Variants in HERC4 observed in about 807,000 individuals in gnomAD.
The protein encoded by HERC4 is probable E3 ubiquitin-protein ligase HERC4.
Under a neutral mutation model 124.3 loss-of-function variants are expected in HERC4, and 28 were observed. The observed-to-expected ratio is 0.23, with a 90% confidence interval of 0.17 to 0.31. The LOEUF (loss-of-function observed/expected upper bound fraction) is 0.31. Ranked by LOEUF, HERC4 falls within the 10% of genes least tolerant of loss-of-function variation. The pLI is 1.00. For synonymous variants in HERC4, 407 were observed against 421.5 expected, an observed-to-expected ratio of 0.97 and a Z score of 0.42; for missense variants, 713 against 1,229.3, an observed-to-expected ratio of 0.58 and a Z score of 6.28.
At chr10:67,981,848 T>C (rs2035949326) in intron 15 of HERC4, among the ~76,000 whole-genome samples, 1 of 151,854 alleles carries the variant, frequency 6.6e-6, no homozygotes, top group Non-Finnish European at 1.5e-5. Context: ...GGCTGAGACA[T>C]GAGAATCACT....
At chr10:67,946,610 T>C (rs892714295) in intron 19 of HERC4, among the ~76,000 whole-genome samples, 3 of 151,894 alleles carry the variant, frequency 2.0e-5, no homozygotes, top group African/African-American at 7.3e-5. Flanking sequence ...CAAGAAGATA[T>C]AACAATTACA....
intron 9 of HERC4, among the ~76,000 whole-genome samples, chr10:68,001,569 ATTT>A (rs1319116881): frequency 2.6e-5 from 4 of 152,148 alleles, no homozygotes; most frequent in African/African-American, 9.7e-5. Flanking sequence ...TTTTTACACA[ATTT>A]TTTATCATAA....
intron 9 of HERC4, among the ~76,000 whole-genome samples, chr10:68,005,111 G>A (rs1480532326): frequency 6.6e-6 from 1 of 152,084 alleles, no homozygotes; most frequent in South Asian, 2.1e-4. Flanking sequence ...TCTCTGTTCT[G>A]TTCCATTGGT....
At chr10:68,067,957 G>A (rs976463939) in intron 3 of HERC4, 1 of 152,126 alleles carries the variant, frequency 6.6e-6, no homozygotes, top group Non-Finnish European at 1.5e-5. Context: ...CTTCTTATCA[G>A]TTCTTAAAAT....
At chr10:67,977,160 C>T (rs765765141) in intron 15 of HERC4, among the ~76,000 whole-genome samples, 10 of 152,158 alleles carry the variant, frequency 6.6e-5, no homozygotes, top group Admixed American at 2.0e-4. Flanking sequence ...CTTCCACTTG[C>T]GGAGAGAAGA....
At chr10:68,005,849 G>A (rs1482053123) in intron 9 of HERC4, among the ~76,000 whole-genome samples, 1 of 152,046 alleles carries the variant, frequency 6.6e-6, no homozygotes, top group Admixed American at 6.6e-5. Context: ...CTATGGGCAT[G>A]TGCCATGATG....
intron 23 of HERC4, 60 bp downstream of exon 23, chr10:67,932,537 G>A: frequency 6.9e-7 from 1 of 1,446,786 alleles, no homozygotes; most frequent in South Asian, 1.3e-5. Flanking sequence ...ACATAAAAAG[G>A]CAAGATTTCC....
intron 3 of HERC4, among the ~76,000 whole-genome samples, chr10:68,055,798 CTGT>C (rs2040519396): frequency 6.6e-6 from 1 of 150,818 alleles, no homozygotes; most frequent in Admixed American, 6.6e-5. Context: ...GTAACCCAGG[CTGT>C]AGTGCAGTGT....
chr10:67,942,012 A>T (rs1191638674), intron 19 of HERC4, among the ~76,000 whole-genome samples: 1 of 152,138 alleles, frequency 6.6e-6, no homozygotes, highest in Non-Finnish European at 1.5e-5. Context: ...TGAGTTGCTA[A>T]ATTTAGCTGT....
At chr10:68,069,265 A>G (rs2041452120) in intron 3 of HERC4, 2 of 958,284 alleles carry the variant, frequency 2.1e-6, no homozygotes, top group African/African-American at 3.5e-5. Flanking sequence ...TGAAGATTAA[A>G]TATATTTGTT....
chr10:67,979,028 G>A lies in HERC4; in HGVS notation c.1806+9635C>T, dbSNP rs570011532. ...GCACGAAGACACACAAGTCCAAACC[G>A]CGAAGACTACAATAAATACGTAACT... On this transcript the variant is annotated intron_variant, in intron 15 of 24. Transcript: ENST00000373700. Among the ~76,000 whole-genome samples, 18 of 152,190 alleles carry A rather than the reference G, an allele frequency of 1.2e-4. No individual in the cohort carries two copies. In the East Asian group the frequency reaches 3.3e-3, roughly 28 times the overall value.
chr10:68,025,872 T>C (rs2038872346), intron 7 of HERC4, among the ~76,000 whole-genome samples, 196 bp from the exon 8 acceptor site: 1 of 152,212 alleles, frequency 6.6e-6, no homozygotes, highest in Admixed American at 6.5e-5. Flanking sequence ...AATGATGTTT[T>C]CACCGTTATA....
intron 15 of HERC4, among the ~76,000 whole-genome samples, chr10:67,967,356 A>G (rs2034950771): frequency 6.6e-6 from 1 of 152,184 alleles, no homozygotes; most frequent in Non-Finnish European, 1.5e-5. Context: ...CTTTATAACT[A>G]CAACACAGTA....
At chr10:67,933,784 C>G (rs2032074431) in intron 22 of HERC4, among the ~76,000 whole-genome samples, 1 of 152,108 alleles carries the variant, frequency 6.6e-6, no homozygotes, top group Admixed American at 6.5e-5. Flanking sequence ...TTCTAAGTAT[C>G]TTAAAATATT....
chr10:68,034,254 A>G, intron 5 of HERC4, 68 bp from the exon 6 acceptor site: 1 of 1,100,714 alleles, frequency 9.1e-7, no homozygotes, highest in Admixed American at 2.1e-5. Context: ...GAAAATAATC[A>G]TTTCATTTCA....
intron 3 of HERC4, among the ~76,000 whole-genome samples, chr10:68,064,244 C>CATAAAAA (rs1425070355): frequency 2.6e-5 from 4 of 151,658 alleles, no homozygotes; most frequent in African/African-American, 9.7e-5. Flanking sequence ...GTCCCCAAAA[C>CATAAAAA]ATAAAAAATA....
intron 3 of HERC4, among the ~76,000 whole-genome samples, chr10:68,070,830 A>C (rs2041539452): frequency 6.6e-6 from 1 of 152,058 alleles, no homozygotes; most frequent in Non-Finnish European, 1.5e-5. Context: ...TTTCAGCTCC[A>C]GACTTATTTC....
intron 9 of HERC4, among the ~76,000 whole-genome samples, chr10:68,007,535 A>G (rs1173323150): frequency 6.6e-6 from 1 of 152,100 alleles, no homozygotes; most frequent in Admixed American, 6.6e-5. Flanking sequence ...GCAATGTCTA[A>G]GCGCTGAAGA....
At position 68,059,630 on chromosome 10, in the gene HERC4, C is replaced by T. The variant is rs1178626685; in HGVS notation, c.226+13253G>A. Reference sequence around the variant, plus strand: ...TATTATATATCATAATATTATATATCATAATATTATATATTATATTATATA... The same window carrying T: ...TATTATATATCATAATATTATATATTATAATATTATATATTATATTATATA... On this transcript the variant is annotated intron_variant, in intron 3 of 24. Transcript: ENST00000373700. Among the ~76,000 whole-genome samples, 44 of 72,346 alleles carry T rather than the reference C, an allele frequency of 6.1e-4. 9 individuals are homozygous for T. The highest frequency in any genetic ancestry group is 3.2e-3 in the African/African-American group (38 of 11,878). 47.5% of individuals were successfully genotyped at this position (72,346 alleles called of 152,430 possible).
Sources: gnomAD v4.1 joint callset for allele counts (sites outside exome capture counted in the v4.1 genomes callset) on GRCh38, gnomAD v4.1.1 for gene constraint, MANE v1.5 for transcripts, NCBI Gene and HGNC (gene_info 2026-07-23, HGNC 2026-07-21) for gene names.